The following HCN1 variants were observed in gnomAD, a reference collection of about 807,000 sequenced individuals.
HCN1 encodes hyperpolarization activated cyclic nucleotide gated potassium channel 1.
HCN1 carries 13 observed loss-of-function variants against 78.9 expected under a neutral mutation model. That is an observed-to-expected ratio of 0.16 (90% CI 0.11 to 0.26). The LOEUF (loss-of-function observed/expected upper bound fraction) is 0.26, where lower values mean the gene tolerates loss of function less well. Ranked by LOEUF, HCN1 falls within the 10% of genes least tolerant of loss-of-function variation. HCN1 has a pLI of 1.00. For missense variants in HCN1, 810 were observed against 1,154.3 expected (o/e 0.70, Z 4.32); for synonymous variants, 552 against 455.5 (o/e 1.21, Z -2.70).
chr5:45,622,532 G>GGA (rs898834943), intron 2 of HCN1, among the ~76,000 whole-genome samples: 2 of 151,952 alleles, frequency 1.3e-5, no homozygotes, highest in Non-Finnish European at 2.9e-5. Flanking sequence ...AGAGCCAGCT[G>GGA]GAGAGAGAGA....
chr5:45,547,004 T>C (rs913646439), intron 2 of HCN1, among the ~76,000 whole-genome samples: 2 of 151,964 alleles, frequency 1.3e-5, no homozygotes, highest in African/African-American at 4.8e-5. Flanking sequence ...ACTTGAACTA[T>C]TTCATTAACC....
At chr5:45,459,401 C>CAAA (rs34217584) in intron 3 of HCN1, among the ~76,000 whole-genome samples, 1 of 111,634 alleles carries the variant, frequency 9.0e-6, no homozygotes, top group Non-Finnish European at 1.9e-5. Context: ...AATCTGCAGC[C>CAAA]AAAAAAAAAA....
At chr5:45,310,104 G>A (rs568220321) in intron 5 of HCN1, among the ~76,000 whole-genome samples, 170 of 151,960 alleles carry the variant, frequency 1.1e-3, no homozygotes, top group Non-Finnish European at 2.0e-3. Context: ...ACATAAACAC[G>A]AGCAAAGATT....
At chr5:45,501,487 T>G (rs1248187923) in intron 2 of HCN1, among the ~76,000 whole-genome samples, 4 of 151,902 alleles carry the variant, frequency 2.6e-5, no homozygotes, top group African/African-American at 7.3e-5. Context: ...CAGGCTGGAG[T>G]GTAGTGGCGT....
rs564750646 is a variant in HCN1 at position 45,686,649 on chromosome 5, TTTTG to T, written c.425+9016_425+9019del. On this transcript the variant is annotated intron_variant, in intron 1 of 7. Transcript: ENST00000303230. ...GATCATTCTGGAGTTAATAAAGTTC[TTTTG>T]TTTATTTACTTGTCTCCAATGTACT... Among the ~76,000 whole-genome samples, 61 of 152,360 alleles carry T rather than the reference TTTTG, an allele frequency of 4.0e-4. 1 individual carries two copies. The South Asian group carries it at 0.012, about 30-fold the overall frequency.
At chr5:45,665,172 A>T (rs1363027643) in intron 1 of HCN1, among the ~76,000 whole-genome samples, 1 of 151,972 alleles carries the variant, frequency 6.6e-6, no homozygotes. Flanking sequence ...ATTGGAAATC[A>T]TCATTCTCAG....
intron 5 of HCN1, among the ~76,000 whole-genome samples, chr5:45,351,158 G>A (rs1413181837): frequency 6.6e-5 from 10 of 152,056 alleles, no homozygotes; most frequent in African/African-American, 1.5e-4. Context: ...AAACAGCATG[G>A]TACTGATACC....
chr5:45,409,521 G>A (rs1352637304), intron 3 of HCN1, among the ~76,000 whole-genome samples: 1 of 151,936 alleles, frequency 6.6e-6, no homozygotes, highest in Non-Finnish European at 1.5e-5. Flanking sequence ...CACCTTTACA[G>A]ATTCTAAAAT....
At chr5:45,612,291 T>C (rs959445497) in intron 2 of HCN1, among the ~76,000 whole-genome samples, 1 of 152,198 alleles carries the variant, frequency 6.6e-6, no homozygotes, top group Admixed American at 6.5e-5. Context: ...TTAATGGCAA[T>C]TATTATCTGT....
intron 2 of HCN1, among the ~76,000 whole-genome samples, chr5:45,621,533 G>A (rs1486812713): frequency 6.6e-6 from 1 of 152,038 alleles, no homozygotes; most frequent in Non-Finnish European, 1.5e-5. Flanking sequence ...GTAAAGCATG[G>A]GGGATAAAAA....
chr5:45,274,198 A>C (rs1270869988), intron 6 of HCN1, among the ~76,000 whole-genome samples: 1 of 152,178 alleles, frequency 6.6e-6, no homozygotes. Flanking sequence ...TAAGGGTATA[A>C]CTAGTCATTT....
At chr5:45,270,989 G>C (rs1322427569) in intron 6 of HCN1, among the ~76,000 whole-genome samples, 1 of 151,926 alleles carries the variant, frequency 6.6e-6, no homozygotes. Flanking sequence ...ATGTTACATA[G>C]TATAGGTACA....
intron 2 of HCN1, among the ~76,000 whole-genome samples, chr5:45,550,335 A>C (rs552937157): frequency 7.1e-4 from 108 of 152,316 alleles, no homozygotes; most frequent in Middle Eastern, 3.4e-3. Context: ...TGATGAGTTC[A>C]TGTCCTTTGT....
intron 1 of HCN1, among the ~76,000 whole-genome samples, chr5:45,673,398 A>G (rs1467232396): frequency 6.6e-6 from 1 of 151,540 alleles, no homozygotes; most frequent in East Asian, 1.9e-4. Context: ...TTAATGGCCC[A>G]CTTCCCTGAG....
At chr5:45,537,837 A>C (rs1306891982) in intron 2 of HCN1, among the ~76,000 whole-genome samples, 5 of 152,054 alleles carry the variant, frequency 3.3e-5, no homozygotes, top group Non-Finnish European at 7.4e-5. Context: ...ACAACTATGT[A>C]AAGAACCTAC....
intron 2 of HCN1, among the ~76,000 whole-genome samples, chr5:45,598,580 A>G (rs1272432903): frequency 6.6e-6 from 1 of 152,214 alleles, no homozygotes; most frequent in Admixed American, 6.5e-5. Flanking sequence ...ATCTAATTAA[A>G]CTGAAGAGCT....
intron 1 of HCN1, among the ~76,000 whole-genome samples, chr5:45,656,254 T>C (rs1380564098): frequency 6.6e-6 from 1 of 152,168 alleles, no homozygotes; most frequent in Non-Finnish European, 1.5e-5. Context: ...GGCACAAATA[T>C]TAATTTGTCA....
intron 2 of HCN1, among the ~76,000 whole-genome samples, chr5:45,541,478 T>A (rs1743106711): frequency 6.6e-6 from 1 of 152,210 alleles, no homozygotes; most frequent in African/African-American, 2.4e-5. Flanking sequence ...GATCCTTTTG[T>A]ACTTGGTTAA....
chr5:45,318,923 A>C (rs1746062912), intron 5 of HCN1, among the ~76,000 whole-genome samples: 1 of 151,974 alleles, frequency 6.6e-6, no homozygotes, highest in African/African-American at 2.4e-5. Context: ...TTGTTCTTGA[A>C]AGTCACATAA....
Sources: allele counts gnomAD v4.1 joint callset (sites outside exome capture counted in the v4.1 genomes callset), GRCh38; gene constraint gnomAD v4.1.1; transcripts MANE v1.5; gene names NCBI Gene and HGNC (gene_info 2026-07-23, HGNC 2026-07-21).